Variants in ENAH observed in about 807,000 individuals in gnomAD.
ENAH encodes the protein protein enabled homolog.
ENAH carries 23 observed loss-of-function variants against 78.7 expected under a neutral mutation model. That is an observed-to-expected ratio of 0.29 (90% CI 0.21 to 0.41). The LOEUF is 0.41. Among genes scored for constraint, ENAH ranks in the 10% least tolerant of loss-of-function variants. ENAH has a pLI of 1.00. For missense variants in ENAH, 544 were observed against 691.0 expected, an observed-to-expected ratio of 0.79 and a Z score of 2.39; for synonymous variants, 226 against 241.0, an observed-to-expected ratio of 0.94 and a Z score of 0.58.
upstream of ENAH, among the ~76,000 whole-genome samples, chr1:225,653,801 C>T (rs1387206786): frequency 2.6e-5 from 4 of 152,238 alleles, no homozygotes; most frequent in Non-Finnish European, 5.9e-5. The surrounding 1 kb of genome is among the most constrained non-coding windows in gnomAD (Gnocchi z 4.3). Flanking sequence ...CCCAGCGATT[C>T]CTGCGGAGTT....
chr1:225,646,732 T>C (rs1662034160), intron 1 of ENAH, among the ~76,000 whole-genome samples: 2 of 151,884 alleles, frequency 1.3e-5, no homozygotes, highest in Admixed American at 1.3e-4. Flanking sequence ...GAGCTTGCAG[T>C]AACCTGAGAT....
chr1:225,624,509 A>G (rs1657581168), intron 1 of ENAH, among the ~76,000 whole-genome samples: 1 of 152,026 alleles, frequency 6.6e-6, no homozygotes, highest in Admixed American at 6.6e-5. Flanking sequence ...CTGTAATACC[A>G]GCTACTTGGG....
At chr1:225,499,762 G>C (rs1168031320) in intron 12 of ENAH, among the ~76,000 whole-genome samples, 1 of 152,228 alleles carries the variant, frequency 6.6e-6, no homozygotes, top group Non-Finnish European at 1.5e-5. Context: ...TGGGTGAAAA[G>C]TAACAGCTGT....
chr1:225,507,915 A>C, intron 11 of ENAH, 36 bp downstream of exon 11: 1 of 1,428,706 alleles, frequency 7.0e-7, no homozygotes, highest in Non-Finnish European at 9.4e-7. Flanking sequence ...TTTTTTATAC[A>C]AATAAAATAT....
intron 4 of ENAH, among the ~76,000 whole-genome samples, chr1:225,529,054 C>G (rs1374847598): frequency 6.6e-6 from 1 of 152,200 alleles, no homozygotes; most frequent in Non-Finnish European, 1.5e-5. Context: ...TCTTGTTGAG[C>G]TGCTGTCACA....
intron 4 of ENAH, among the ~76,000 whole-genome samples, chr1:225,527,214 T>C (rs1040379970): frequency 4.6e-5 from 7 of 152,162 alleles, no homozygotes; most frequent in Non-Finnish European, 8.8e-5. Context: ...CCAGTAATAG[T>C]ATAGAAAAAG....
At chr1:225,512,633 G>T in intron 9 of ENAH, 24 bp downstream of exon 9, 1 of 1,602,956 alleles carries the variant, frequency 6.2e-7, no homozygotes, top group African/African-American at 1.3e-5. Context: ...TTTAAGGTAT[G>T]GTAGACTATC....
intron 1 of ENAH, among the ~76,000 whole-genome samples, chr1:225,582,645 G>C (rs1267743215): frequency 6.6e-6 from 1 of 152,196 alleles, no homozygotes; most frequent in African/African-American, 2.4e-5. Context: ...CCCAAATTCT[G>C]TATATAAACT....
chr1:225,518,885 T>C (rs1158324955), intron 5 of ENAH, among the ~76,000 whole-genome samples: 1 of 152,176 alleles, frequency 6.6e-6, no homozygotes, highest in African/African-American at 2.4e-5. Flanking sequence ...ATATTTGAAG[T>C]TCATCCAGTA....
At chr1:225,570,378 T>C (rs2096755537) in intron 1 of ENAH, among the ~76,000 whole-genome samples, 1 of 151,750 alleles carries the variant, frequency 6.6e-6, no homozygotes, top group South Asian at 2.1e-4. Context: ...GCAGGTCCAC[T>C]TATACATGGA....
rs2785204 is a variant in ENAH, at chr1:225,519,331, A to C, written c.669T>G (p.Asp223Glu). The change falls in exon 5 of 14, where the codon GAT becomes GAG. Residue 223 changes from aspartate to glutamate, a missense_variant. By Grantham distance (45) the Asp-to-Glu change is conservative. Coordinates refer to ENST00000366843, the MANE Select transcript of ENAH (RefSeq NM_018212.6). The stretch of plus-strand genomic sequence containing the variant: ...GTTCTTGTCTTTCTTGCCTCTCCCG[A>C]TCCAGGCGTTCCTGCCGCTCCAGGC... ...QERLERQERL[D>E]RERQERQERE... 2 of 1,610,236 alleles carry C rather than the reference A, an allele frequency of 1.2e-6. No homozygotes were observed. The highest frequency in any genetic ancestry group is 1.4e-5 in the African/African-American group (1 of 73,940).
chr1:225,577,630 T>C (rs1229897055), intron 1 of ENAH, among the ~76,000 whole-genome samples: 1 of 152,232 alleles, frequency 6.6e-6, no homozygotes, highest in Non-Finnish European at 1.5e-5. Flanking sequence ...CCTATATTCA[T>C]GTGCAAAGTA....
intron 1 of ENAH, among the ~76,000 whole-genome samples, chr1:225,588,865 C>T (rs2096861183): frequency 6.7e-6 from 1 of 149,112 alleles, no homozygotes; most frequent in Admixed American, 6.7e-5. Flanking sequence ...TAAACAAACA[C>T]CTACCCTCTG....
Position 225,491,970 on chromosome 1 carries a change from T to C in ENAH, c.*5805A>G, listed in dbSNP as rs1475882812. 1 of 152,226 alleles carries C rather than the reference T, an allele frequency of 6.6e-6. No homozygotes were observed. The highest frequency in any genetic ancestry group is 2.4e-5 in the African/African-American group (1 of 41,462). 9.4% of individuals were successfully genotyped at this position (152,226 alleles called of 1,614,324 possible). A position where few individuals can be genotyped will look rare whatever the true frequency, so the allele number is the denominator to read the frequency against. ...CAGATTTACATGATAAACTATGGGT[T>C]GTCATTTGTATATAGAACTTTTACG... On this transcript the variant is annotated 3_prime_UTR_variant, in exon 14 of 14. Transcript: ENST00000366843.
chr1:225,624,476 T>C (rs369634157), intron 1 of ENAH, among the ~76,000 whole-genome samples: 1 of 151,950 alleles, frequency 6.6e-6, no homozygotes, highest in African/African-American at 2.4e-5. Flanking sequence ...CTATAAGAAT[T>C]AGCTGGGTGG....
chr1:225,519,587 TA>T (rs749358739), intron 4 of ENAH, 22 bp from the exon 5 acceptor site: 253 of 1,485,346 alleles, frequency 1.7e-4, no homozygotes, highest in Non-Finnish European at 2.2e-4. Flanking sequence ...AAAAAAAAAG[TA>T]AAAACATGCA....
At chr1:225,619,111 A>C (rs575417311) in intron 1 of ENAH, among the ~76,000 whole-genome samples, 1 of 152,312 alleles carries the variant, frequency 6.6e-6, no homozygotes, top group East Asian at 1.9e-4. Context: ...ACACACACAC[A>C]AATGCACAGA....
In ENAH at chr1:225,487,096, A is replaced by T. The variant is rs2096204198; in HGVS notation, c.*10679T>A. The T allele has an allele frequency of 6.6e-6, 1 of 152,516 alleles. No homozygotes were observed. Among genetic ancestry groups the T allele is most frequent in the Non-Finnish European group, 1.5e-5 (1 of 68,040 alleles). 9.4% of individuals were successfully genotyped at this position (152,516 alleles called of 1,614,324 possible). A position where few individuals can be genotyped will look rare whatever the true frequency, so the allele number is the denominator to read the frequency against. Reference sequence around the variant, plus strand: ...CCTTCCTGCTGAATCCTAACTTTACACATTCTAGACACATGTCATGCACAT... The same window carrying T: ...CCTTCCTGCTGAATCCTAACTTTACTCATTCTAGACACATGTCATGCACAT... On this transcript the variant is annotated 3_prime_UTR_variant, in exon 14 of 14. Coordinates refer to ENST00000366843, the MANE Select transcript of ENAH (RefSeq NM_018212.6).
At chr1:225,525,190 A>T (rs1158741650) in intron 4 of ENAH, among the ~76,000 whole-genome samples, 2 of 152,158 alleles carry the variant, frequency 1.3e-5, no homozygotes, top group Non-Finnish European at 2.9e-5. Flanking sequence ...GATGTTATCT[A>T]CTGACTTCCT....
Sources: allele counts gnomAD v4.1 joint callset (sites outside exome capture counted in the v4.1 genomes callset), GRCh38; gene constraint gnomAD v4.1.1; non-coding constraint Gnocchi (gnomAD v3.1); transcripts MANE v1.5; gene names NCBI Gene and HGNC (gene_info 2026-07-23, HGNC 2026-07-21).